Variants in ANKS1B observed in about 807,000 individuals in gnomAD.
ANKS1B encodes ankyrin repeat and sterile alpha motif domain containing 1B, also known as ankyrin repeat and sterile alpha motif domain-containing protein 1B.
In ANKS1B, 36 loss-of-function variants were observed where a neutral mutation model predicts 148.3. That is an observed-to-expected ratio of 0.24 (90% CI 0.19 to 0.32). The LOEUF (loss-of-function observed/expected upper bound fraction) is 0.32, where lower values mean the gene tolerates loss of function less well. ANKS1B is among the 10% of genes least tolerant of loss of function. The probability of loss-of-function intolerance (pLI) is 1.00; values close to 1 mark genes in which losing one functional copy is unlikely to be tolerated. For missense variants in ANKS1B, 1,157 were observed against 1,542.6 expected, an observed-to-expected ratio of 0.75 and a Z score of 4.19; for synonymous variants, 542 against 560.8, an observed-to-expected ratio of 0.97 and a Z score of 0.47.
chr12:99,361,798 CA>C (rs1237988659), intron 12 of ANKS1B, among the ~76,000 whole-genome samples: 1 of 151,972 alleles, frequency 6.6e-6, no homozygotes, highest in Non-Finnish European at 1.5e-5. Context: ...TTTGTAATAG[CA>C]CACTGGGGGT....
rs190637798 is a variant in ANKS1B at position 99,596,465 on chromosome 12, G to A, written c.1272+58602C>T. 7.4e-4 allele frequency among the ~76,000 whole-genome samples: 112 copies of A among 151,860 alleles called. 3 individuals carry two copies. Among genetic ancestry groups the A allele is most frequent in the Admixed American group, 2.4e-3 (37 of 15,216 alleles). On this transcript the variant is annotated intron_variant, in intron 9 of 26. Coordinates refer to ENST00000683438, the MANE Select transcript of ANKS1B (RefSeq NM_001352186.2). ...GAACCCATCCTACTCTAGTATGTCCGCATCTTAACTAATTATACCTGCAAA... is the reference window on the plus strand; with the variant it reads ...GAACCCATCCTACTCTAGTATGTCCACATCTTAACTAATTATACCTGCAAA...
chr12:99,975,161 T>A (rs1048632522), intron 1 of ANKS1B, among the ~76,000 whole-genome samples: 1 of 140,144 alleles, frequency 7.1e-6, no homozygotes, highest in African/African-American at 2.7e-5. Context: ...TCCAAAAAAA[T>A]GGAAGAATTA....
intron 17 of ANKS1B, among the ~76,000 whole-genome samples, chr12:98,910,963 A>G (rs1421953212): frequency 6.6e-6 from 1 of 152,226 alleles, no homozygotes; most frequent in Non-Finnish European, 1.5e-5. Flanking sequence ...GATACTGGCA[A>G]AAGTCTTAAA....
intron 1 of ANKS1B, among the ~76,000 whole-genome samples, chr12:99,860,590 G>A (rs1233700515): frequency 6.6e-6 from 1 of 152,188 alleles, no homozygotes; most frequent in African/African-American, 2.4e-5. Flanking sequence ...CAAAGTGTGT[G>A]AGACTAGAGA....
intron 15 of ANKS1B, among the ~76,000 whole-genome samples, chr12:99,133,990 C>A (rs1021214681): frequency 6.6e-6 from 1 of 152,124 alleles, no homozygotes; most frequent in African/African-American, 2.4e-5. Context: ...AGGTAATATA[C>A]CTCGTAAGTT....
intron 15 of ANKS1B, among the ~76,000 whole-genome samples, chr12:99,128,980 G>T (rs371196300): frequency 2.0e-5 from 3 of 152,198 alleles, no homozygotes; most frequent in Non-Finnish European, 4.4e-5. Flanking sequence ...CTACATGCAG[G>T]AGGATGGAGC....
chr12:99,919,181 G>C (rs986232239), intron 1 of ANKS1B, among the ~76,000 whole-genome samples: 2 of 152,116 alleles, frequency 1.3e-5, no homozygotes, highest in Non-Finnish European at 2.9e-5. Context: ...TTTCCTAAAA[G>C]TGATATGATA....
chr12:98,948,526 T>C (rs1308901240), intron 17 of ANKS1B, among the ~76,000 whole-genome samples: 1 of 152,218 alleles, frequency 6.6e-6, no homozygotes, highest in African/African-American at 2.4e-5. Flanking sequence ...AGTATGGATA[T>C]ATATTCAGAG....
chr12:98,894,807 C>G, intron 17 of ANKS1B: 1 of 984,136 alleles, frequency 1.0e-6, no homozygotes, highest in Non-Finnish European at 1.2e-6. Flanking sequence ...CGAGGAAGGG[C>G]GGGAGAGGCG....
intron 11 of ANKS1B, among the ~76,000 whole-genome samples, chr12:99,429,259 A>G (rs2095321765): frequency 6.6e-6 from 1 of 152,248 alleles, no homozygotes; most frequent in African/African-American, 2.4e-5. Flanking sequence ...AAAAATCATT[A>G]TCACAAATCA....
intron 17 of ANKS1B, among the ~76,000 whole-genome samples, chr12:98,972,961 A>G (rs1475392715): frequency 6.6e-6 from 1 of 152,320 alleles, no homozygotes; most frequent in East Asian, 1.9e-4. Flanking sequence ...TTTACTTTAT[A>G]AAGCTAATGC....
chr12:99,082,304 A>G (rs1300681844), intron 16 of ANKS1B, among the ~76,000 whole-genome samples: 1 of 152,172 alleles, frequency 6.6e-6, no homozygotes, highest in Non-Finnish European at 1.5e-5. Flanking sequence ...CAGTGATGGT[A>G]AGGGAAGGAT....
chr12:99,156,025 G>GT (rs1244125937), intron 14 of ANKS1B, among the ~76,000 whole-genome samples: 1 of 152,138 alleles, frequency 6.6e-6, no homozygotes, highest in Non-Finnish European at 1.5e-5. Flanking sequence ...CTGGCACATA[G>GT]TAAGTGCCTA....
intron 15 of ANKS1B, among the ~76,000 whole-genome samples, chr12:99,118,738 AT>A (rs1272290333): frequency 7.9e-5 from 12 of 152,238 alleles, no homozygotes; most frequent in African/African-American, 2.7e-4. Flanking sequence ...ATAGAAGAAA[AT>A]GAATGAGCAG....
chr12:99,453,297 A>C (rs919162052), intron 10 of ANKS1B, among the ~76,000 whole-genome samples: 3 of 152,118 alleles, frequency 2.0e-5, no homozygotes, highest in Non-Finnish European at 2.9e-5. Context: ...CTCAAATAAA[A>C]AGAATAAAAA....
intron 1 of ANKS1B, among the ~76,000 whole-genome samples, chr12:99,876,071 AG>A (rs781603675): frequency 2.6e-5 from 4 of 152,168 alleles, no homozygotes; most frequent in Non-Finnish European, 4.4e-5. Context: ...CGATTGAGGT[AG>A]GGGGCAAAAG....
chr12:98,735,774 C>T (rs1424244064), intron 9 of ANKS1B: 2 of 503,160 alleles, frequency 4.0e-6, no homozygotes, highest in Non-Finnish European at 3.6e-6. Flanking sequence ...TCTTGCTCTA[C>T]TGCAGTTAAG....
intron 1 of ANKS1B, among the ~76,000 whole-genome samples, chr12:99,950,855 A>G (rs970849284): frequency 6.6e-6 from 1 of 151,846 alleles, no homozygotes; most frequent in Non-Finnish European, 1.5e-5. Context: ...CCTGAATCCT[A>G]TGTCTTTCTC....
At chr12:99,184,712 A>G (rs959377027) in intron 14 of ANKS1B, among the ~76,000 whole-genome samples, 3 of 152,208 alleles carry the variant, frequency 2.0e-5, no homozygotes, top group Admixed American at 6.5e-5. Flanking sequence ...ATGTATCCTC[A>G]ATGAACATTT....
Sources: allele counts gnomAD v4.1 joint callset (sites outside exome capture counted in the v4.1 genomes callset), GRCh38; gene constraint gnomAD v4.1.1; transcripts MANE v1.5; gene names NCBI Gene and HGNC (gene_info 2026-07-23, HGNC 2026-07-21).